The following STPG1 variants were observed in gnomAD, a reference collection of about 807,000 sequenced individuals.
The protein encoded by STPG1 is sperm tail PG-rich repeat containing 1.
A neutral mutation model predicts 40.1 loss-of-function variants in STPG1; 33 were observed. The ratio of observed to expected loss-of-function variants is 0.82; its 90% CI spans 0.62 to 1.10. The LOEUF (loss-of-function observed/expected upper bound fraction) is 1.10, where lower values mean the gene tolerates loss of function less well. STPG1 is among the 50% of genes least tolerant of loss of function. STPG1 has a pLI of 0.00. For missense variants in STPG1, 396 were observed against 415.1 expected (o/e 0.95, Z 0.40); for synonymous variants, 150 against 155.0 (o/e 0.97, Z 0.24).
intron 1 of STPG1, among the ~76,000 whole-genome samples, chr1:24,403,714 CA>C (rs1041347673): frequency 6.6e-5 from 10 of 151,716 alleles, no homozygotes; most frequent in Admixed American, 2.0e-4. Context: ...TATTTTATGT[CA>C]AAAAAATGGT....
chr1:24,401,251 A>G lies in STPG1; in HGVS notation c.70+68T>C, dbSNP rs1473996017. 20 of 1,428,168 alleles carry G rather than the reference A, an allele frequency of 1.4e-5. No individual in the cohort carries two copies. In the East Asian group the frequency reaches 1.6e-4, roughly 11 times the overall value. The allele number at this position is 1,428,168 out of a possible 1,614,324, so 88.5% of individuals were successfully genotyped here. A position where few individuals can be genotyped will look rare whatever the true frequency, so the allele number is the denominator to read the frequency against. On this transcript the variant is annotated intron_variant, in intron 2 of 8. Coordinates refer to ENST00000337248, the MANE Select transcript of STPG1 (RefSeq NM_001199013.2). ...AACCCAGGACTTACTATTCCCCCCA[A>G]ATTTGCTCTTATGTACTAAAATAAG...
chr1:24,397,027 T>A (rs905065482), intron 2 of STPG1, among the ~76,000 whole-genome samples: 25 of 152,174 alleles, frequency 1.6e-4, no homozygotes, highest in Admixed American at 1.3e-3. Context: ...AAAAGATAGT[T>A]AGATATTATC....
At chr1:24,386,815 T>C (rs1345809576) in intron 3 of STPG1, among the ~76,000 whole-genome samples, 1 of 152,212 alleles carries the variant, frequency 6.6e-6, no homozygotes, top group Non-Finnish European at 1.5e-5. Context: ...CCTTGGTTTC[T>C]TGGCAAAAAC....
intron 1 of STPG1, among the ~76,000 whole-genome samples, chr1:24,407,804 G>A (rs999543156): frequency 6.6e-5 from 10 of 152,034 alleles, no homozygotes; most frequent in African/African-American, 2.4e-4. Context: ...TTCAAATATT[G>A]TATTTTTTCT....
intron 3 of STPG1, among the ~76,000 whole-genome samples, chr1:24,389,479 T>A (rs1263775409): frequency 6.6e-6 from 1 of 152,202 alleles, no homozygotes; most frequent in Non-Finnish European, 1.5e-5. Flanking sequence ...CAACATTGAT[T>A]CAGCAAACAT....
intron 1 of STPG1, 114 bp from the exon 2 acceptor site, chr1:24,401,570 G>A: frequency 1.6e-6 from 1 of 618,924 alleles, no homozygotes; most frequent in Non-Finnish European, 2.9e-6. Flanking sequence ...TGCCGGCTGA[G>A]ATCTACCAAG....
chr1:24,360,922 G>C lies in STPG1; in HGVS notation c.857C>G (p.Ser286Cys). 6.2e-7 allele frequency: 1 copy of C among 1,614,050 alleles called. No homozygotes were observed. Among genetic ancestry groups the C allele is most frequent in the East Asian group, 2.2e-5 (1 of 44,884 alleles). ...GGTATTGGACACGAATGATGCACTA[G>C]AGATGAAATGCTTGCGGGGGCCTAA... ...DYLGPRKHFISSASFVSNTSR... is the reference protein window; with the variant it reads ...DYLGPRKHFICSASFVSNTSR... Residue 286 changes from serine to cysteine, a missense_variant, in exon 8 of 9, where the codon TCT becomes TGT. Coordinates refer to ENST00000337248, the MANE Select transcript of STPG1 (RefSeq NM_001199013.2).
intron 5 of STPG1, among the ~76,000 whole-genome samples, chr1:24,378,371 C>G (rs1642125774): frequency 6.6e-6 from 1 of 152,286 alleles, no homozygotes; most frequent in South Asian, 2.1e-4. Flanking sequence ...CACGGTGGCT[C>G]CCGCCTGTAA....
chr1:24,388,691 GT>G (rs1408627518), intron 3 of STPG1, among the ~76,000 whole-genome samples: 3 of 152,216 alleles, frequency 2.0e-5, no homozygotes, highest in African/African-American at 7.2e-5. Context: ...TTTAAGAAGG[GT>G]GGTGAAGCCC....
intron 1 of STPG1, among the ~76,000 whole-genome samples, chr1:24,407,940 C>T (rs570100549): frequency 6.6e-6 from 1 of 152,254 alleles, no homozygotes; most frequent in East Asian, 1.9e-4. Context: ...TTTCTTTGTA[C>T]TAATTCTATA....
At chr1:24,380,433 G>C (rs1642231411) in intron 4 of STPG1, among the ~76,000 whole-genome samples, 1 of 152,168 alleles carries the variant, frequency 6.6e-6, no homozygotes. Context: ...ATCAATGTTT[G>C]TCAAAAGAAC....
In STPG1 at chr1:24,373,893, T is replaced by C. The variant is rs145517337; in HGVS notation, c.463-83A>G. On this transcript the variant is annotated intron_variant, in intron 5 of 8. Coordinates refer to ENST00000337248, the MANE Select transcript of STPG1 (RefSeq NM_001199013.2). ...ATCATGCCTGGACAAGTGGCAAATC[T>C]ACGTAAAAAAAATCAAACCGAAACC... The C allele has an allele frequency of 1.8e-5, 18 of 1,020,316 alleles. No homozygotes were observed. The East Asian group carries it at 2.2e-4, about 12-fold the overall frequency. 63.2% of individuals were successfully genotyped at this position (1,020,316 alleles called of 1,614,324 possible).
chr1:24,379,026 A>G (rs1190791769), intron 5 of STPG1, among the ~76,000 whole-genome samples: 1 of 152,232 alleles, frequency 6.6e-6, no homozygotes, highest in Non-Finnish European at 1.5e-5. Context: ...ATCTCATTTA[A>G]TATTTGCATT....
intron 1 of STPG1, among the ~76,000 whole-genome samples, chr1:24,411,422 C>T (rs1214229131): frequency 2.0e-5 from 3 of 152,082 alleles, no homozygotes; most frequent in South Asian, 2.1e-4. Context: ...ATTTAGCACC[C>T]GAGTGGGTAT....
rs747689812 is a variant in STPG1 at position 24,379,691 on chromosome 1, C to T, written c.424G>A (p.Ala142Thr). The T allele has an allele frequency of 6.2e-7, 1 of 1,614,160 alleles. No individual in the cohort carries two copies. The highest frequency in any genetic ancestry group is 1.7e-5 in the Admixed American group (1 of 60,010). ...SMFQLPSFMK[A>T]LKFETPAPNY... ...GGTGCAGGAGTTTCAAACTTGAGAGCTTTCATAAAGCTTGGCAACTGGAAC... is the reference window on the plus strand; with the variant it reads ...GGTGCAGGAGTTTCAAACTTGAGAGTTTTCATAAAGCTTGGCAACTGGAAC... The change falls in exon 5 of 9, where the codon GCT (alanine) becomes ACT (threonine). Residue 142 changes from alanine (A) to threonine (T), a missense_variant. Transcript: ENST00000337248.
intron 4 of STPG1, among the ~76,000 whole-genome samples, chr1:24,382,361 G>A (rs928080568): frequency 2.6e-5 from 4 of 152,178 alleles, no homozygotes; most frequent in Non-Finnish European, 4.4e-5. Context: ...ATAATATTTA[G>A]CATGTTTATA....
intron 7 of STPG1, chr1:24,364,518 T>C: frequency 7.6e-7 from 1 of 1,322,090 alleles, no homozygotes; most frequent in East Asian, 2.9e-5. Flanking sequence ...TGCCTAGCTC[T>C]TTAAGGGAAG....
upstream of STPG1, chr1:24,413,919 C>A (rs1643891489): frequency 6.6e-6 from 1 of 152,186 alleles, no homozygotes; most frequent in South Asian, 2.1e-4. Flanking sequence ...GGGTGGGGAA[C>A]TAATAAGAGG....
chr1:24,374,689 A>C (rs1641939451), intron 5 of STPG1, among the ~76,000 whole-genome samples: 1 of 151,776 alleles, frequency 6.6e-6, no homozygotes, highest in Non-Finnish European at 1.5e-5. Flanking sequence ...CAGTGATGCC[A>C]TCTCAGCTCA....
Sources: allele counts gnomAD v4.1 joint callset (sites outside exome capture counted in the v4.1 genomes callset), GRCh38; gene constraint gnomAD v4.1.1; transcripts MANE v1.5; gene names NCBI Gene and HGNC (gene_info 2026-07-23, HGNC 2026-07-21).